Variants in LOC122513141 observed in about 807,000 individuals in gnomAD.
At chr9:137,218,687 A>G in the LOC122513141 span, 3 of 398,038 alleles carry the variant, frequency 7.5e-6, no homozygotes, top group Non-Finnish European at 1.3e-5. Flanking sequence ...GTGAGGCCTG[A>G]TGACCAGGCT....
chr9:137,217,595 A>C, the LOC122513141 span: 1 of 174,878 alleles, frequency 5.7e-6, no homozygotes, highest in Non-Finnish European at 1.2e-5. Flanking sequence ...CTGGCTGGGG[A>C]CAGCACCGCG....
chr9:137,218,925 G>A, the LOC122513141 span: 3 of 308,064 alleles, frequency 9.7e-6, no homozygotes, highest in Non-Finnish European at 1.2e-5. Context: ...TGCGGCAGAC[G>A]GGCACCGTAC....
chr9:137,217,851 C>T, the LOC122513141 span: 1 of 398,252 alleles, frequency 2.5e-6, no homozygotes, highest in Non-Finnish European at 4.4e-6. Context: ...GACTCCAGCT[C>T]TGGGCCTGTC....
At chr9:137,218,092 G>A in the LOC122513141 span, 1 of 398,960 alleles carries the variant, frequency 2.5e-6, no homozygotes, top group Non-Finnish European at 4.4e-6. Context: ...TCTGCACAGA[G>A]CCCTACGGGC....
chr9:137,218,306 C>T, the LOC122513141 span: 7 of 398,194 alleles, frequency 1.8e-5, no homozygotes, highest in South Asian at 1.3e-4. Flanking sequence ...ACGCCAGCCC[C>T]GCCGAGAGGC....
the LOC122513141 span, chr9:137,217,574 T>C: frequency 2.4e-5 from 4 of 168,770 alleles, no homozygotes; most frequent in Non-Finnish European, 5.0e-5. Flanking sequence ...GAGGCTGGGC[T>C]CCAGCCAGAT....
the LOC122513141 span, chr9:137,217,967 G>A: frequency 2.4e-3 from 948 of 398,824 alleles, 1 homozygote; most frequent in Middle Eastern, 5.0e-3. Flanking sequence ...TGAGACTACA[G>A]CCAGTGAGCC....
Sources: gnomAD v4.1 joint callset for allele counts on GRCh38, gnomAD v4.1.1 for gene constraint, MANE v1.5 for transcripts.